Variants in SH3RF1 observed in about 807,000 individuals in gnomAD.
The protein encoded by SH3RF1 is SH3 domain containing ring finger 1.
Under a neutral mutation model 74.0 loss-of-function variants are expected in SH3RF1, and 32 were observed. The observed-to-expected ratio is 0.43, with a 90% CI of 0.33 to 0.58. The LOEUF (loss-of-function observed/expected upper bound fraction) is 0.58, where lower values mean the gene tolerates loss of function less well. SH3RF1 is among the 20% of genes least tolerant of loss of function. SH3RF1 has a pLI of 0.05. For synonymous variants in SH3RF1, 396 were observed against 439.6 expected (o/e 0.90, Z 1.24); for missense variants, 954 against 1,130.9 (o/e 0.84, Z 2.24).
At chr4:169,184,556 T>C (rs1280840757) in intron 2 of SH3RF1, among the ~76,000 whole-genome samples, 3 of 152,186 alleles carry the variant, frequency 2.0e-5, no homozygotes, top group Non-Finnish European at 4.4e-5. Flanking sequence ...AATAGTATTC[T>C]GAAGAGAGCT....
intron 2 of SH3RF1, among the ~76,000 whole-genome samples, chr4:169,168,050 G>C (rs1239731662): frequency 1.3e-5 from 2 of 152,122 alleles, no homozygotes; most frequent in Admixed American, 6.5e-5. Flanking sequence ...TAAGGTAGAA[G>C]GATCACTTGA....
intron 2 of SH3RF1, among the ~76,000 whole-genome samples, chr4:169,230,106 C>T (rs1245841420): frequency 3.9e-5 from 6 of 151,904 alleles, no homozygotes; most frequent in African/African-American, 1.2e-4. Flanking sequence ...CTCGGGAGGC[C>T]GAGGCAGGAG....
chr4:169,121,049 A>C (rs1733429140), intron 7 of SH3RF1, 60 bp from the exon 8 acceptor site: 2 of 1,391,344 alleles, frequency 1.4e-6, no homozygotes, highest in Non-Finnish European at 2.0e-6. Context: ...CAAGATGCTC[A>C]AAATTCTTCC....
chr4:169,161,320 T>A (rs1035424552), intron 2 of SH3RF1, among the ~76,000 whole-genome samples: 1 of 152,244 alleles, frequency 6.6e-6, no homozygotes, highest in African/African-American at 2.4e-5. Flanking sequence ...AAAATAAGTA[T>A]GATAGTGGGC....
Position 169,127,675 on chromosome 4 carries a change from T to C in SH3RF1, c.1179+2371A>G, listed in dbSNP as rs76716474. Among the ~76,000 whole-genome samples, 906 of 152,320 alleles carry C rather than the reference T, an allele frequency of 5.9e-3. 15 individuals are homozygous for C. The highest frequency in any genetic ancestry group is 0.021 in the African/African-American group (875 of 41,552). On this transcript the variant is annotated intron_variant, in intron 6 of 11. Transcript: ENST00000284637. ...TTAACATGCAGGTTTTCTTATATAATCCTAAAATAAAATGGCTGAATGTAA... is the reference window on the plus strand; with the variant it reads ...TTAACATGCAGGTTTTCTTATATAACCCTAAAATAAAATGGCTGAATGTAA...
In SH3RF1 at chr4:169,096,503, T is replaced by G. The variant is rs1279299292; in HGVS notation, c.*16A>C. 1 of 1,610,010 alleles carries G rather than the reference T, an allele frequency of 6.2e-7. No homozygotes were observed. The highest frequency in any genetic ancestry group is 8.5e-7 in the Non-Finnish European group (1 of 1,178,390). ...GTTGTGTGAAGTGATTTTAAGCTTC[T>G]TCAGTGTCAGTCTCCTCATATGTTT... On this transcript the variant is annotated 3_prime_UTR_variant, in exon 12 of 12. Transcript: ENST00000284637.
At chr4:169,215,968 T>TA (rs1730456042) in intron 2 of SH3RF1, among the ~76,000 whole-genome samples, 1 of 152,092 alleles carries the variant, frequency 6.6e-6, no homozygotes, top group Non-Finnish European at 1.5e-5. Flanking sequence ...CATGCCTGGT[T>TA]AATTTTTGTA....
At chr4:169,163,064 G>C (rs142038811) in intron 2 of SH3RF1, among the ~76,000 whole-genome samples, 3 of 150,946 alleles carry the variant, frequency 2.0e-5, no homozygotes, top group African/African-American at 7.3e-5. Context: ...CTGTTTTGCG[G>C]GGGGCATTAA....
At chr4:169,164,261 C>T (rs780818850) in intron 2 of SH3RF1, among the ~76,000 whole-genome samples, 4 of 152,028 alleles carry the variant, frequency 2.6e-5, no homozygotes, top group Non-Finnish European at 4.4e-5. Flanking sequence ...AAACTTCTTG[C>T]TGAATAAATT....
intron 2 of SH3RF1, among the ~76,000 whole-genome samples, chr4:169,180,607 C>T (rs923731065): frequency 1.3e-5 from 2 of 152,170 alleles, no homozygotes; most frequent in African/African-American, 2.4e-5. Flanking sequence ...GGTTCCCCTA[C>T]CCGCTTGTTT....
intron 2 of SH3RF1, among the ~76,000 whole-genome samples, chr4:169,259,208 A>T (rs1731236065): frequency 6.6e-6 from 1 of 152,174 alleles, no homozygotes; most frequent in Non-Finnish European, 1.5e-5. Context: ...TTAATCCTTA[A>T]GGAATTTATT....
intron 2 of SH3RF1, among the ~76,000 whole-genome samples, chr4:169,159,264 G>A (rs1734113928): frequency 6.6e-6 from 1 of 152,054 alleles, no homozygotes; most frequent in Non-Finnish European, 1.5e-5. Context: ...CCTCACAGAT[G>A]CCTCATTATA....
intron 2 of SH3RF1, among the ~76,000 whole-genome samples, chr4:169,183,017 G>C (rs916988244): frequency 6.6e-6 from 1 of 152,080 alleles, no homozygotes; most frequent in African/African-American, 2.4e-5. Flanking sequence ...CAGGGAGTTG[G>C]GGCGGGGTGC....
chr4:169,112,406 T>C (rs1263102284), intron 10 of SH3RF1, among the ~76,000 whole-genome samples: 6 of 152,122 alleles, frequency 3.9e-5, no homozygotes, highest in Admixed American at 3.3e-4. Context: ...GAATAAAGCA[T>C]GGAAAAAGAG....
chr4:169,265,282 T>A (rs899913174), intron 2 of SH3RF1, among the ~76,000 whole-genome samples: 3 of 152,194 alleles, frequency 2.0e-5, no homozygotes, highest in Admixed American at 2.0e-4. Context: ...GCTTAAGAAG[T>A]ATTTATTAAA....
intron 4 of SH3RF1, among the ~76,000 whole-genome samples, chr4:169,142,256 A>C (rs947513931): frequency 7.9e-5 from 12 of 152,192 alleles, no homozygotes; most frequent in Non-Finnish European, 1.8e-4. Context: ...GCGCCTGGCC[A>C]TAAATACTCT....
At chr4:169,166,204 T>G (rs1734239931) in intron 2 of SH3RF1, 1 of 151,974 alleles carries the variant, frequency 6.6e-6, no homozygotes, top group Admixed American at 6.6e-5. Flanking sequence ...AAATCCAGAA[T>G]TAAAATGACT....
intron 8 of SH3RF1, among the ~76,000 whole-genome samples, chr4:169,119,866 C>A (rs1400210091): frequency 6.6e-6 from 1 of 152,188 alleles, no homozygotes; most frequent in East Asian, 1.9e-4. Flanking sequence ...GGCCGGTGGT[C>A]AAAAACTAGG....
At chr4:169,185,019 G>A (rs1734580522) in intron 2 of SH3RF1, among the ~76,000 whole-genome samples, 1 of 152,220 alleles carries the variant, frequency 6.6e-6, no homozygotes, top group African/African-American at 2.4e-5. Context: ...AGTGTGATCA[G>A]GGGTTATCTG....
Sources: allele counts gnomAD v4.1 joint callset (sites outside exome capture counted in the v4.1 genomes callset), GRCh38; gene constraint gnomAD v4.1.1; transcripts MANE v1.5; gene names NCBI Gene and HGNC (gene_info 2026-07-23, HGNC 2026-07-21).